The following ATXN2 variants were observed in gnomAD, a reference collection of about 807,000 sequenced individuals.
ATXN2 encodes the protein ataxin-2.
Under a neutral mutation model 138.6 loss-of-function variants are expected in ATXN2, and 37 were observed. The observed-to-expected ratio is 0.27, with a 90% CI of 0.21 to 0.35. The LOEUF is 0.35. ATXN2 is among the 10% of genes least tolerant of loss of function. ATXN2 has a pLI of 1.00. For synonymous variants in ATXN2, 549 were observed against 543.7 expected (o/e 1.01, Z -0.13); for missense variants, 1,216 against 1,480.3 (o/e 0.82, Z 2.93).
chr12:111,525,438 T>A, intron 5 of ATXN2, 122 bp from the exon 6 acceptor site: 2 of 1,172,746 alleles, frequency 1.7e-6, no homozygotes, highest in Admixed American at 5.9e-5. Context: ...TTCACATAAT[T>A]GTTTAACTTA....
chr12:111,543,797 G>A (rs1566054734), intron 5 of ATXN2, among the ~76,000 whole-genome samples: 1 of 152,194 alleles, frequency 6.6e-6, no homozygotes, highest in Non-Finnish European at 1.5e-5. Context: ...TTACATTAGC[G>A]TGGGCACAGT....
At chr12:111,567,004 G>A (rs1883049878) in intron 1 of ATXN2, among the ~76,000 whole-genome samples, 2 of 152,166 alleles carry the variant, frequency 1.3e-5, no homozygotes, top group African/African-American at 2.4e-5. Context: ...GCAAGTAACT[G>A]CAGATGTGGT....
At chr12:111,534,516 C>T (rs371049898) in intron 5 of ATXN2, among the ~76,000 whole-genome samples, 32 of 152,092 alleles carry the variant, frequency 2.1e-4, no homozygotes, top group African/African-American at 5.3e-4. Flanking sequence ...TTGGGGGGGA[C>T]GCATTTCCTT....
At chr12:111,488,870 T>C (rs539716009) in intron 14 of ATXN2, 90 bp from the exon 15 acceptor site, 133 of 1,091,994 alleles carry the variant, frequency 1.2e-4, no homozygotes, top group Non-Finnish European at 6.8e-5. Context: ...ATATTAACTA[T>C]ACGCATGAAA....
At chr12:111,510,824 T>C (rs1257278084) in intron 11 of ATXN2, 4 of 296,324 alleles carry the variant, frequency 1.3e-5, no homozygotes, top group Non-Finnish European at 2.5e-5. Flanking sequence ...ACTAAATGTA[T>C]CAAGTGATTC....
At chr12:111,589,779 C>A (rs904532836) in intron 1 of ATXN2, among the ~76,000 whole-genome samples, 1 of 152,044 alleles carries the variant, frequency 6.6e-6, no homozygotes, top group Non-Finnish European at 1.5e-5. Flanking sequence ...TTTTGCTGGG[C>A]ATAGTGGCGC....
At chr12:111,597,961 G>C (rs935825572) in intron 1 of ATXN2, 1 of 1,233,266 alleles carries the variant, frequency 8.1e-7, no homozygotes. Flanking sequence ...GAACAGCAAT[G>C]CGGATCGGCC....
intron 11 of ATXN2, among the ~76,000 whole-genome samples, chr12:111,512,305 TTTTG>T (rs541209261): frequency 2.2e-4 from 33 of 152,266 alleles, no homozygotes; most frequent in South Asian, 2.1e-4. Flanking sequence ...AAAGTGTTTT[TTTTG>T]TTTGTTTGTT....
At chr12:111,486,665 A>C in intron 16 of ATXN2, 96 bp downstream of exon 16, 2 of 1,081,696 alleles carry the variant, frequency 1.8e-6, no homozygotes, top group South Asian at 2.8e-5. Context: ...CAGCACACTA[A>C]AACAAAATTC....
intron 20 of ATXN2, chr12:111,469,466 A>G (rs955329718): frequency 6.6e-6 from 1 of 152,238 alleles, no homozygotes; most frequent in African/African-American, 2.4e-5. Context: ...GTTTAGTCAC[A>G]AAACGAAGAT....
intron 5 of ATXN2, among the ~76,000 whole-genome samples, chr12:111,551,655 T>C (rs768080301): frequency 3.3e-5 from 5 of 152,208 alleles, no homozygotes; most frequent in Non-Finnish European, 7.3e-5. Flanking sequence ...ACTAAAGCAT[T>C]GTAGGCCAAA....
chr12:111,584,825 C>T (rs1381902721), intron 1 of ATXN2, among the ~76,000 whole-genome samples: 1 of 151,892 alleles, frequency 6.6e-6, no homozygotes, highest in Non-Finnish European at 1.5e-5. Flanking sequence ...CAAAATTAGC[C>T]AGGCATGGTG....
At chr12:111,477,284 TG>T (rs1219554836) in intron 18 of ATXN2, among the ~76,000 whole-genome samples, 4 of 150,826 alleles carry the variant, frequency 2.7e-5, no homozygotes, top group African/African-American at 9.8e-5. Flanking sequence ...CCCTGGGAAG[TG>T]GAGGTTGCAG....
intron 18 of ATXN2, among the ~76,000 whole-genome samples, chr12:111,482,082 T>C (rs1338455313): frequency 2.0e-5 from 3 of 151,742 alleles, no homozygotes; most frequent in Non-Finnish European, 4.4e-5. Context: ...CCAGGAGCAG[T>C]GGCTCACACC....
intron 23 of ATXN2, chr12:111,454,290 A>G (rs1874895942): frequency 6.5e-6 from 1 of 154,088 alleles, no homozygotes; most frequent in East Asian, 1.9e-4. Context: ...AGGAAAACAG[A>G]TTACATTAAT....
chr12:111,500,473 G>C (rs1592836719), intron 14 of ATXN2, among the ~76,000 whole-genome samples: 1 of 152,174 alleles, frequency 6.6e-6, no homozygotes, highest in African/African-American at 2.4e-5. Flanking sequence ...GTAATGGGGA[G>C]AAGAAGGGAA....
Position 111,516,586 on chromosome 12 carries a change from G to A in ATXN2, c.1166-223C>T, listed in dbSNP as rs896022692. On this transcript the variant is annotated intron_variant, in intron 9 of 24. Coordinates refer to ENST00000673436, the MANE Select transcript of ATXN2 (RefSeq NM_001372574.1). This position sits in a 1 kb window ranked among gnomAD's most constrained non-coding sequence, Gnocchi z 5.0. ...ATTAAGTCTGTTTAAATGAATACACGTTCCCAAAGGGTTAATTAGGATCTA... is the reference window on the plus strand; with the variant it reads ...ATTAAGTCTGTTTAAATGAATACACATTCCCAAAGGGTTAATTAGGATCTA... Among the ~76,000 whole-genome samples, 4 of 152,016 alleles carry A rather than the reference G, an allele frequency of 2.6e-5. No individual in the cohort carries two copies. The highest frequency in any genetic ancestry group is 7.2e-5 in the African/African-American group (3 of 41,396).
At chr12:111,514,363 C>A (rs630512) in intron 10 of ATXN2, among the ~76,000 whole-genome samples, 4 of 152,068 alleles carry the variant, frequency 2.6e-5, no homozygotes, top group Middle Eastern at 6.8e-3. Context: ...ACCAATCTAT[C>A]AGGTAAAAGA....
Position 111,485,787 on chromosome 12 carries a change from T to G in ATXN2, c.2383A>C (p.Thr795Pro), listed in dbSNP as rs138377485. ...SPSMVGHQQP[T>P]PVYTQPVCFA... ...CAAACAGGCTGAGTATAAACTGGAG[T>G]TGGCTGTTGATGACCCACCATAGAT... The change falls in exon 17 of 25, where the codon ACT (threonine) becomes CCT (proline). Residue 795 changes from threonine (T) to proline (P), a missense_variant. Physicochemically the swap from Thr to Pro is conservative, Grantham distance 38 (BLOSUM62 -1). This residue lies in a region of ATXN2 where 490 missense variants were observed against 653.5 expected (regional missense o/e 0.75). Coordinates refer to ENST00000673436, the MANE Select transcript of ATXN2 (RefSeq NM_001372574.1). The G allele has an allele frequency of 1.9e-6, 3 of 1,613,956 alleles. No homozygotes were observed. The African/African-American group carries it at 4.0e-5, about 22-fold the overall frequency.
Sources: gnomAD v4.1 joint callset for allele counts (sites outside exome capture counted in the v4.1 genomes callset) on GRCh38, gnomAD v4.1.1 for gene constraint, gnomAD v4.1.1 regional missense constraint, Gnocchi (gnomAD v3.1) non-coding constraint, MANE v1.5 for transcripts, NCBI Gene and HGNC (gene_info 2026-07-23, HGNC 2026-07-21) for gene names.